The following IGDCC4 variants were observed in gnomAD, a reference collection of about 807,000 sequenced individuals.
IGDCC4 encodes the protein immunoglobulin superfamily DCC subclass member 4, also known as likely ortholog of mouse neighbor of Punc E11.
IGDCC4 carries 72 observed loss-of-function variants against 116.6 expected under a neutral mutation model. That is an observed-to-expected ratio of 0.62 (90% CI 0.51 to 0.75). The LOEUF (loss-of-function observed/expected upper bound fraction) is 0.75, where lower values mean the gene tolerates loss of function less well. IGDCC4 is among the 30% of genes least tolerant of loss of function. The pLI is 0.00. For missense variants in IGDCC4, 1,501 were observed against 1,662.4 expected (o/e 0.90, Z 1.69); for synonymous variants, 709 against 719.9 (o/e 0.98, Z 0.24).
intron 9 of IGDCC4, among the ~76,000 whole-genome samples, chr15:65,394,107 C>G (rs1387665016): frequency 2.6e-5 from 4 of 152,080 alleles, no homozygotes; most frequent in Non-Finnish European, 5.9e-5. Flanking sequence ...GTCAAGTGAT[C>G]CTCCCACCTC....
In IGDCC4 at chr15:65,390,764, T is replaced by C. The variant is rs539988057; in HGVS notation, c.2225-426A>G. Among the ~76,000 whole-genome samples the C allele has an allele frequency of 5.9e-5, 9 of 152,254 alleles. No individual in the cohort carries two copies. The South Asian group carries it at 1.9e-3, about 32-fold the overall frequency. ...AATTATTTAATATTTTAAAAATAGA[T>C]AGGAAATTGAAATATAATAAACACT... On this transcript the variant is annotated intron_variant, in intron 12 of 19. Transcript: ENST00000352385.
chr15:65,412,511 CAAAAAAAAAAAA>C (rs3082805), intron 1 of IGDCC4, among the ~76,000 whole-genome samples: 9 of 16,718 alleles, frequency 5.4e-4, no homozygotes, highest in South Asian at 7.4e-3. Context: ...GATTCCATCT[CAAAAAAAAAAAA>C]AAAAAAAAAA....
At chr15:65,401,973 C>T (rs2062991287) in intron 4 of IGDCC4, among the ~76,000 whole-genome samples, 1 of 152,126 alleles carries the variant, frequency 6.6e-6, no homozygotes, top group Admixed American at 6.5e-5. Flanking sequence ...GTGCCTGGAC[C>T]CCTCAGTGAC....
intron 16 of IGDCC4, among the ~76,000 whole-genome samples, chr15:65,388,246 G>GA (rs397793769): frequency 0.19 from 23,831 of 122,498 alleles, 2,210 homozygotes; most frequent in Admixed American, 0.3. Flanking sequence ...CTCCATCTCA[G>GA]AAAAAAAAAA....
chr15:65,394,434 A>G lies in IGDCC4; in HGVS notation c.1691T>C (p.Ile564Thr), dbSNP rs923216108. The change falls in exon 9 of 20, where the codon ATA becomes ACA. Residue 564 changes from isoleucine to threonine, a missense_variant. Ile to Thr is a moderately conservative substitution (Grantham distance 89, BLOSUM62 -1). Coordinates refer to ENST00000352385, the MANE Select transcript of IGDCC4 (RefSeq NM_020962.3). The part of the protein sequence containing the change: ...LSNGQVVKYK[I>T]EYGLGKEDQI... Reference sequence around the variant, plus strand: ...ACCTTCCTTTCCCAAACCGTATTCTATCTTGTACTTCACCACCTGCCCATT... The same window carrying G: ...ACCTTCCTTTCCCAAACCGTATTCTGTCTTGTACTTCACCACCTGCCCATT... The G allele has an allele frequency of 6.2e-7, 1 of 1,613,912 alleles. No homozygotes were observed. The highest frequency in any genetic ancestry group is 8.5e-7 in the Non-Finnish European group (1 of 1,179,980).
chr15:65,395,071 C>T (rs566557480), intron 8 of IGDCC4, 23 bp downstream of exon 8: 1 of 1,586,124 alleles, frequency 6.3e-7, no homozygotes, highest in South Asian at 1.1e-5. Flanking sequence ...CCAAGCTGCC[C>T]ACTGCGAGTT....
intron 1 of IGDCC4, among the ~76,000 whole-genome samples, chr15:65,411,778 A>G (rs1181522408): frequency 6.6e-6 from 1 of 152,248 alleles, no homozygotes; most frequent in Non-Finnish European, 1.5e-5. Flanking sequence ...TGCCCAGAGG[A>G]GGCAAATCCA....
Position 65,386,575 on chromosome 15 carries a change from G to A in IGDCC4, c.2927C>T (p.Ala976Val). The A allele has an allele frequency of 1.2e-6, 2 of 1,609,288 alleles. No individual in the cohort carries two copies. Among genetic ancestry groups the A allele is most frequent in the Middle Eastern group, 1.7e-4 (1 of 6,056 alleles). The change falls in exon 17 of 20, where the codon GCT becomes GTT. Residue 976 changes from alanine to valine, a missense_variant. By Grantham distance (64) the Ala-to-Val change is moderately conservative. Coordinates refer to ENST00000352385, the MANE Select transcript of IGDCC4 (RefSeq NM_020962.3). ...GLLCLLACMC[A>V]GLRRSPHRES... Reference sequence around the variant, plus strand: ...CCTGTGGGGGCTGCGGCGCAGGCCAGCACACATGCAGGCCAGGAGGCAGAG... The same window carrying A: ...CCTGTGGGGGCTGCGGCGCAGGCCAACACACATGCAGGCCAGGAGGCAGAG...
At chr15:65,410,573 A>G (rs1293202130) in intron 2 of IGDCC4, 1 of 541,250 alleles carries the variant, frequency 1.8e-6, no homozygotes, top group African/African-American at 1.9e-5. Flanking sequence ...TAAGATGCAC[A>G]CTTCTTCTGG....
chr15:65,404,796 G>C (rs1319360839), intron 3 of IGDCC4, among the ~76,000 whole-genome samples: 2 of 152,290 alleles, frequency 1.3e-5, no homozygotes, highest in Non-Finnish European at 2.9e-5. Flanking sequence ...AATCTTTTCT[G>C]GCCGGGCTTT....
At chr15:65,394,158 C>T (rs1208206868) in intron 9 of IGDCC4, among the ~76,000 whole-genome samples, 1 of 152,162 alleles carries the variant, frequency 6.6e-6, no homozygotes, top group African/African-American at 2.4e-5. Context: ...GGCAGGGACT[C>T]AGTAGAAGTA....
intron 1 of IGDCC4, among the ~76,000 whole-genome samples, chr15:65,417,161 C>T (rs2063152460): frequency 6.6e-6 from 1 of 152,202 alleles, no homozygotes; most frequent in South Asian, 2.1e-4. Context: ...CATCACCATT[C>T]TCCTTTCCCA....
At chr15:65,398,683 A>G (rs1474141418) in intron 5 of IGDCC4, among the ~76,000 whole-genome samples, 1 of 151,918 alleles carries the variant, frequency 6.6e-6, no homozygotes, top group Non-Finnish European at 1.5e-5. Flanking sequence ...CGAGGTCAGG[A>G]GATGGAGACC....
intron 1 of IGDCC4, among the ~76,000 whole-genome samples, chr15:65,422,519 A>AACAC (rs140587709): frequency 0.2 from 26,771 of 131,108 alleles, 3,009 homozygotes; most frequent in East Asian, 0.48. Context: ...GAGCACTCCC[A>AACAC]ACACACACAC....
rs1355788539 is a variant in IGDCC4 at position 65,383,769 on chromosome 15, CAT to C, written c.*238_*239del. ...CCAGTACGCATACATGCACTTCACA[CAT>C]GTGCACATCACATGTAGCTATGTCT... On this transcript the variant is annotated 3_prime_UTR_variant, in exon 20 of 20. Transcript: ENST00000352385. 4 of 456,968 alleles carry C rather than the reference CAT, an allele frequency of 8.8e-6. No homozygotes were observed. The highest frequency in any genetic ancestry group is 7.9e-5 in the African/African-American group (4 of 50,458). The allele number at this position is 456,968 out of a possible 1,614,324, so 28.3% of individuals were successfully genotyped here.
At chr15:65,400,198 C>T (rs1178406293) in intron 5 of IGDCC4, among the ~76,000 whole-genome samples, 5 of 152,250 alleles carry the variant, frequency 3.3e-5, no homozygotes, top group African/African-American at 1.2e-4. Context: ...TCTCCAGTCA[C>T]TCAGTGGCAC....
At chr15:65,395,469 C>T (rs1053394922) in intron 7 of IGDCC4, among the ~76,000 whole-genome samples, 2 of 151,492 alleles carry the variant, frequency 1.3e-5, no homozygotes, top group Admixed American at 1.3e-4. Flanking sequence ...TGGAAATGAC[C>T]CCCCTCTCCA....
chr15:65,384,078 C>G lies in IGDCC4; in HGVS notation c.3684G>C (p.Gln1228His). Residue 1228 changes from glutamine (Q) to histidine (H), a missense_variant, in exon 20 of 20, where the codon CAG (glutamine) becomes CAC (histidine). Physicochemically the swap from Gln to His is conservative, Grantham distance 24. This residue lies in a region of IGDCC4 where 368 missense variants were observed against 355.6 expected (regional missense o/e 1.03). Transcript: ENST00000352385. The surrounding 1 kb of genome is among the most constrained non-coding windows in gnomAD (Gnocchi z 4.9). ...VLEETPGDSC[Q>H]LKSPCPLGAS... ...CTCCTAGAGGGCAGGGGGATTTGAGCTGGCAGCTATCTCCAGGGGTCTCCT... is the reference window on the plus strand; with the variant it reads ...CTCCTAGAGGGCAGGGGGATTTGAGGTGGCAGCTATCTCCAGGGGTCTCCT... The G allele has an allele frequency of 6.2e-7, 1 of 1,613,606 alleles. No individual in the cohort carries two copies.
intron 5 of IGDCC4, 21 bp from the exon 6 acceptor site, chr15:65,397,010 G>A (rs573237457): frequency 8.3e-6 from 13 of 1,570,356 alleles, no homozygotes; most frequent in South Asian, 1.2e-5. Flanking sequence ...AGAGGGAGAC[G>A]CGCTGGAGGG....
Sources: gnomAD v4.1 joint callset for allele counts (sites outside exome capture counted in the v4.1 genomes callset) on GRCh38, gnomAD v4.1.1 for gene constraint, gnomAD v4.1.1 regional missense constraint, Gnocchi (gnomAD v3.1) non-coding constraint, MANE v1.5 for transcripts, NCBI Gene and HGNC (gene_info 2026-07-23, HGNC 2026-07-21) for gene names.